The following ZFYVE9 variants were observed in gnomAD, a reference collection of about 807,000 sequenced individuals.
ZFYVE9 encodes the protein zinc finger FYVE domain-containing protein 9.
Under a neutral mutation model 126.7 loss-of-function variants are expected in ZFYVE9, and 43 were observed. The observed-to-expected ratio is 0.34, with a 90% CI of 0.27 to 0.44. ZFYVE9 has a LOEUF of 0.44. Among genes scored for constraint, ZFYVE9 ranks in the 20% least tolerant of loss-of-function variants. The probability of loss-of-function intolerance (pLI) is 1.00; values close to 1 mark genes in which losing one functional copy is unlikely to be tolerated. For missense variants in ZFYVE9, 1,476 were observed against 1,697.0 expected (o/e 0.87, Z 2.29); for synonymous variants, 521 against 597.4 (o/e 0.87, Z 1.87).
intron 1 of ZFYVE9, among the ~76,000 whole-genome samples, chr1:52,201,343 A>G (rs1196466736): frequency 1.3e-5 from 2 of 149,392 alleles, no homozygotes; most frequent in Non-Finnish European, 3.0e-5. Context: ...TAACCCTGCT[A>G]TAGTCACTTA....
Position 52,263,779 on chromosome 1 carries a change from T to C in ZFYVE9, c.2185T>C (p.Cys729Arg). 1 of 780,314 alleles carries C rather than the reference T, an allele frequency of 1.3e-6. No individual in the cohort carries two copies. The highest frequency in any genetic ancestry group is 1.9e-6 in the Non-Finnish European group (1 of 526,830). The allele number at this position is 780,314 out of a possible 1,614,324, so 48.3% of individuals were successfully genotyped here. Residue 729 changes from cysteine (C) to arginine (R), a missense_variant, in exon 5 of 19, where the codon TGT becomes CGT. Cys to Arg is a radical substitution (Grantham distance 180). Around this residue, in one of 2 missense-constraint regions of ZFYVE9, gnomAD observed 669 missense variants for 902.4 expected, o/e 0.74. Transcript: ENST00000287727. The stretch of plus-strand genomic sequence containing the variant: ...CCCCCCCCCCCCCCCACAGGTTTTC[T>C]GTGCTTCCTGCTGTAGCCTGAAATG... ...HHCRACGKVF[C>R]ASCCSLKCKL...
At chr1:52,338,224 A>G (rs1035334779) in intron 16 of ZFYVE9, among the ~76,000 whole-genome samples, 1 of 152,214 alleles carries the variant, frequency 6.6e-6, no homozygotes, top group Non-Finnish European at 1.5e-5. Context: ...AAGATTTACA[A>G]CACATTTTTG....
intron 10 of ZFYVE9, among the ~76,000 whole-genome samples, chr1:52,291,213 A>G (rs1379915367): frequency 1.3e-5 from 2 of 152,216 alleles, no homozygotes; most frequent in Non-Finnish European, 2.9e-5. Context: ...CATGACTTTC[A>G]GCCACAAAGC....
At chr1:52,234,983 T>G (rs996116946) in intron 3 of ZFYVE9, among the ~76,000 whole-genome samples, 1 of 152,204 alleles carries the variant, frequency 6.6e-6, no homozygotes, top group African/African-American at 2.4e-5. Flanking sequence ...GTTCATTACA[T>G]TTGTCTCTTT....
chr1:52,327,726 C>T (rs1440965835), intron 13 of ZFYVE9, among the ~76,000 whole-genome samples: 1 of 152,098 alleles, frequency 6.6e-6, no homozygotes, highest in African/African-American at 2.4e-5. Context: ...GTGATCCCAT[C>T]ACTTTGGGAG....
At position 52,278,485 on chromosome 1, in the gene ZFYVE9, C is replaced by T; in HGVS notation, c.2747-7C>T. ...CCAATCTATTACATTGTTTTCTCCC[C>T]TTTCAGACTATGCTGTGGAAGAGAA... On this transcript the variant is annotated splice_polypyrimidine_tract_variant and splice_region_variant and intron_variant, in intron 8 of 18. Transcript: ENST00000287727. The T allele has an allele frequency of 6.2e-7, 1 of 1,614,010 alleles. No individual in the cohort carries two copies. Among genetic ancestry groups the T allele is most frequent in the Non-Finnish European group, 8.5e-7 (1 of 1,179,966 alleles).
intron 1 of ZFYVE9, among the ~76,000 whole-genome samples, chr1:52,161,367 G>T (rs1644457591): frequency 6.6e-6 from 1 of 152,084 alleles, no homozygotes; most frequent in Non-Finnish European, 1.5e-5. Context: ...TCAGCTCACT[G>T]CAACCTCCGC....
intron 4 of ZFYVE9, among the ~76,000 whole-genome samples, chr1:52,243,387 GAC>G (rs1645354492): frequency 6.6e-6 from 1 of 152,182 alleles, no homozygotes; most frequent in African/African-American, 2.4e-5. Context: ...GTTCAAGGTT[GAC>G]ACATCAAGGT....
chr1:52,180,342 G>A (rs1344937519), intron 1 of ZFYVE9: 4 of 1,566,900 alleles, frequency 2.6e-6, no homozygotes, highest in Middle Eastern at 2.3e-4. Flanking sequence ...ATTTGTTTAC[G>A]TGGAAGGAGA....
intron 1 of ZFYVE9, among the ~76,000 whole-genome samples, chr1:52,188,595 A>G (rs1343668905): frequency 1.3e-5 from 2 of 152,210 alleles, no homozygotes; most frequent in Non-Finnish European, 2.9e-5. Flanking sequence ...GTAATTTTGT[A>G]CAAAAAATAG....
chr1:52,290,949 T>G (rs558797787), intron 10 of ZFYVE9, among the ~76,000 whole-genome samples: 188 of 152,330 alleles, frequency 1.2e-3, no homozygotes, highest in African/African-American at 4.2e-3. Flanking sequence ...GAGAAGTAAC[T>G]TGCCCCAGAT....
chr1:52,191,065 A>G (rs1273592414), intron 1 of ZFYVE9, among the ~76,000 whole-genome samples: 2 of 152,024 alleles, frequency 1.3e-5, no homozygotes, highest in African/African-American at 2.4e-5. Flanking sequence ...TAACGCCTCC[A>G]GTGGGTGGGA....
At chr1:52,165,952 G>A (rs866391969) in intron 1 of ZFYVE9, among the ~76,000 whole-genome samples, 13 of 152,104 alleles carry the variant, frequency 8.5e-5, no homozygotes, top group South Asian at 2.1e-4. Context: ...CCTGCTATTT[G>A]TGCTCTGTTT....
At chr1:52,249,698 A>G (rs144078391) in intron 4 of ZFYVE9, among the ~76,000 whole-genome samples, 158 of 152,252 alleles carry the variant, frequency 1.0e-3, no homozygotes, top group Non-Finnish European at 1.7e-3. Flanking sequence ...TCATCTCCAA[A>G]TTTGATGTCA....
At chr1:52,288,997 A>G (rs1557502394) in intron 10 of ZFYVE9, among the ~76,000 whole-genome samples, 2 of 152,176 alleles carry the variant, frequency 1.3e-5, no homozygotes, top group Non-Finnish European at 2.9e-5. Context: ...TTGCTTGGAA[A>G]TGGTTCCACT....
At chr1:52,198,648 G>A (rs565412163) in intron 1 of ZFYVE9, among the ~76,000 whole-genome samples, 1 of 152,132 alleles carries the variant, frequency 6.6e-6, no homozygotes, top group Non-Finnish European at 1.5e-5. Flanking sequence ...TTGGTACTTT[G>A]TAAGTGAAAT....
chr1:52,146,512 C>G (rs1644307781), intron 1 of ZFYVE9, among the ~76,000 whole-genome samples: 1 of 152,054 alleles, frequency 6.6e-6, no homozygotes, highest in South Asian at 2.1e-4. Flanking sequence ...GTTTGTTACC[C>G]TCTTTAAGTC....
chr1:52,345,317 C>T (rs1396035625), intron 18 of ZFYVE9, among the ~76,000 whole-genome samples: 1 of 152,036 alleles, frequency 6.6e-6, no homozygotes, highest in Non-Finnish European at 1.5e-5. Context: ...GGTGTAGGCT[C>T]AGCTTGATCC....
chr1:52,331,735 G>A (rs535378751), intron 13 of ZFYVE9, among the ~76,000 whole-genome samples: 14 of 148,386 alleles, frequency 9.4e-5, no homozygotes, highest in Admixed American at 2.7e-4. Context: ...TTGGGCAACA[G>A]AGAGAGACCC....
Sources: gnomAD v4.1 joint callset for allele counts (sites outside exome capture counted in the v4.1 genomes callset) on GRCh38, gnomAD v4.1.1 for gene constraint, gnomAD v4.1.1 regional missense constraint, MANE v1.5 for transcripts, NCBI Gene and HGNC (gene_info 2026-07-23, HGNC 2026-07-21) for gene names.